The following VPS13A variants were observed in gnomAD, a reference collection of about 807,000 sequenced individuals.
VPS13A encodes the protein vacuolar protein sorting 13 homolog A.
VPS13A carries 264 observed loss-of-function variants against 390.9 expected under a neutral mutation model. That is an observed-to-expected ratio of 0.68 (90% CI 0.61 to 0.75). The LOEUF is 0.75. Among genes scored for constraint, VPS13A ranks in the 30% least tolerant of loss-of-function variants. VPS13A has a pLI of 0.00. For missense variants in VPS13A, 3,409 were observed against 3,733.9 expected, an observed-to-expected ratio of 0.91 and a Z score of 2.27; for synonymous variants, 1,231 against 1,227.1, an observed-to-expected ratio of 1.00 and a Z score of -0.07.
intron 29 of VPS13A, among the ~76,000 whole-genome samples, 197 bp downstream of exon 29, chr9:77,282,471 TTTTG>T (rs759439945): frequency 6.6e-6 from 1 of 152,160 alleles, no homozygotes; most frequent in Admixed American, 6.5e-5. Flanking sequence ...AAAATGTTGC[TTTTG>T]TTTATCGTAT....
At chr9:77,411,313 C>G (rs1834909521) in intron 71 of VPS13A, among the ~76,000 whole-genome samples, 1 of 152,026 alleles carries the variant, frequency 6.6e-6, no homozygotes, top group Admixed American at 6.6e-5. Context: ...ATTTATAGCA[C>G]TAAATGTCCA....
intron 71 of VPS13A, among the ~76,000 whole-genome samples, chr9:77,413,472 C>A (rs557082753): frequency 1.6e-4 from 25 of 152,176 alleles, no homozygotes; most frequent in Admixed American, 1.3e-3. Flanking sequence ...ACAAACCTGA[C>A]AAAAACAAGA....
In VPS13A at chr9:77,393,837, C is replaced by T. The variant is rs1327879011; in HGVS notation, c.9190-9399C>T. On this transcript the variant is annotated intron_variant, in intron 68 of 71. Transcript: ENST00000360280. ...CAGGTAGCCTGCAATGGTGCAGTCT[C>T]GGCTCACTGCAACCTCCGCCTCCTG... is the stretch of plus-strand genomic sequence containing the variant. 2.0e-5 allele frequency among the ~76,000 whole-genome samples: 3 copies of T among 152,036 alleles called. No individual in the cohort carries two copies. The East Asian group carries it at 5.8e-4, about 29-fold the overall frequency.
chr9:77,215,349 T>G (rs1165899122), intron 10 of VPS13A, among the ~76,000 whole-genome samples: 1 of 152,248 alleles, frequency 6.6e-6, no homozygotes, highest in Non-Finnish European at 1.5e-5. Flanking sequence ...CTTCTTTTTG[T>G]GCCCACTCTT....
chr9:77,323,811 T>G (rs1829869642), intron 45 of VPS13A, among the ~76,000 whole-genome samples: 1 of 152,208 alleles, frequency 6.6e-6, no homozygotes. Context: ...GAGTTTGACT[T>G]TCATTCAGAA....
At chr9:77,304,279 C>G (rs1828580634) in intron 34 of VPS13A, among the ~76,000 whole-genome samples, 1 of 152,200 alleles carries the variant, frequency 6.6e-6, no homozygotes, top group Non-Finnish European at 1.5e-5. Context: ...TTTTTGTGAG[C>G]TCCAGGTTGG....
intron 45 of VPS13A, among the ~76,000 whole-genome samples, chr9:77,324,958 G>T (rs886345582): frequency 6.6e-6 from 1 of 152,002 alleles, no homozygotes; most frequent in Admixed American, 6.6e-5. Context: ...CGGGTGGGGG[G>T]CTGGGGCATA....
intron 34 of VPS13A, among the ~76,000 whole-genome samples, chr9:77,304,648 AAAATGGC>A (rs1276059915): frequency 2.0e-5 from 3 of 152,206 alleles, no homozygotes; most frequent in Non-Finnish European, 4.4e-5. Flanking sequence ...GTTGAAAATG[AAAATGGC>A]AAATGTGTCA....
At chr9:77,411,006 C>CACTT (rs1250258523) in intron 71 of VPS13A, among the ~76,000 whole-genome samples, 1 of 152,208 alleles carries the variant, frequency 6.6e-6, no homozygotes, top group Non-Finnish European at 1.5e-5. Context: ...CACCACACTG[C>CACTT]ACTTATTCCA....
chr9:77,381,326 G>A (rs1453404629), intron 67 of VPS13A, among the ~76,000 whole-genome samples: 2 of 151,876 alleles, frequency 1.3e-5, no homozygotes, highest in Non-Finnish European at 2.9e-5. Flanking sequence ...CCAGGATTGG[G>A]GTATGTGTTT....
chr9:77,401,755 C>T (rs1447779112), intron 68 of VPS13A, among the ~76,000 whole-genome samples: 1 of 152,172 alleles, frequency 6.6e-6, no homozygotes, highest in East Asian at 1.9e-4. Flanking sequence ...ATACAGTAGT[C>T]CTGTCATTTC....
At chr9:77,226,303 A>G (rs544635755) in intron 14 of VPS13A, among the ~76,000 whole-genome samples, 163 bp from the exon 15 acceptor site, 1 of 152,202 alleles carries the variant, frequency 6.6e-6, no homozygotes, top group African/African-American at 2.4e-5. Context: ...CTAAATTCTT[A>G]TGTTCGACTA....
chr9:77,371,020 T>G lies in VPS13A; in HGVS notation c.8954-6T>G, dbSNP rs1365303198. Reference sequence around the variant, plus strand: ...GCAATTGTCAAAAACTCTTTTTTCTTTCCAGGAGCTCAAAAAGGAGGAGCA... The same window carrying G: ...GCAATTGTCAAAAACTCTTTTTTCTGTCCAGGAGCTCAAAAAGGAGGAGCA... On this transcript the variant is annotated splice_polypyrimidine_tract_variant and splice_region_variant and intron_variant, in intron 66 of 71. Coordinates refer to ENST00000360280, the MANE Select transcript of VPS13A (RefSeq NM_033305.3). The G allele has an allele frequency of 6.2e-7, 1 of 1,614,170 alleles. No homozygotes were observed. Among genetic ancestry groups the G allele is most frequent in the South Asian group, 1.1e-5 (1 of 91,090 alleles).
chr9:77,199,438 A>G (rs2131101826), intron 1 of VPS13A, among the ~76,000 whole-genome samples: 2 of 152,276 alleles, frequency 1.3e-5, no homozygotes, highest in Middle Eastern at 6.8e-3. Context: ...TAATCCCATT[A>G]CCTGTATGTT....
intron 68 of VPS13A, chr9:77,384,542 C>G (rs769745157): frequency 6.2e-7 from 1 of 1,610,288 alleles, no homozygotes; most frequent in East Asian, 2.2e-5. Context: ...TTGCCATACT[C>G]TACTAACCTT....
At chr9:77,235,658 G>A (rs191276834) in intron 17 of VPS13A, among the ~76,000 whole-genome samples, 5 of 152,044 alleles carry the variant, frequency 3.3e-5, no homozygotes, top group East Asian at 3.9e-4. Context: ...CATGTCCTTC[G>A]GAGAGTCCCG....
At chr9:77,407,417 C>A in intron 70 of VPS13A, 116 bp from the exon 71 acceptor site, 1 of 777,872 alleles carries the variant, frequency 1.3e-6, no homozygotes, top group Non-Finnish European at 2.2e-6. Flanking sequence ...TTTTAAGGTG[C>A]ATGATTTGTA....
At chr9:77,211,358 T>C (rs965245878) in intron 7 of VPS13A, 1 of 152,116 alleles carries the variant, frequency 6.6e-6, no homozygotes, top group African/African-American at 2.4e-5. Context: ...TTTACGCGTT[T>C]TATATGACTC....
chr9:77,310,197 A>ACAG (rs1326142984), intron 35 of VPS13A, among the ~76,000 whole-genome samples: 2 of 152,188 alleles, frequency 1.3e-5, no homozygotes, highest in Non-Finnish European at 2.9e-5. Flanking sequence ...AATCTAGGAA[A>ACAG]CAGAAAAATA....
Sources: gnomAD v4.1 joint callset for allele counts (sites outside exome capture counted in the v4.1 genomes callset) on GRCh38, gnomAD v4.1.1 for gene constraint, MANE v1.5 for transcripts, NCBI Gene and HGNC (gene_info 2026-07-23, HGNC 2026-07-21) for gene names.